PARD3B: variants seen among roughly 807,000 people sequenced by gnomAD.
PARD3B encodes partitioning defective 3 homolog B.
PARD3B carries 103 observed loss-of-function variants against 130.2 expected under a neutral mutation model. That is an observed-to-expected ratio of 0.79 (90% CI 0.67 to 0.93). The LOEUF is 0.93. PARD3B is among the 40% of genes least tolerant of loss of function. The pLI is 0.00. For synonymous variants in PARD3B, 583 were observed against 553.2 expected (o/e 1.05, Z -0.76); for missense variants, 1,609 against 1,499.2 (o/e 1.07, Z -1.21).
In PARD3B at chr2:205,146,407, T is replaced by G. The variant is rs2033361955; in HGVS notation, c.1435-12315T>G. On this transcript the variant is annotated intron_variant, in intron 10 of 22. Transcript: ENST00000406610. The surrounding 1 kb of genome is among the most constrained non-coding windows in gnomAD (Gnocchi z 4.3). ...GCTCACCCCTGTAATCCCAGCATTT[T>G]GGGAGGCCGAGGTGGGCGGATCATG... Among the ~76,000 whole-genome samples the G allele has an allele frequency of 6.6e-6, 1 of 152,094 alleles. No homozygotes were observed. The highest frequency in any genetic ancestry group is 2.4e-5 in the African/African-American group (1 of 41,434).
chr2:204,743,482 C>T lies in PARD3B; in HGVS notation c.222+57200C>T, dbSNP rs148752152. Among the ~76,000 whole-genome samples the T allele has an allele frequency of 4.7e-3, 720 of 152,198 alleles. 7 individuals are homozygous for T. Among genetic ancestry groups the T allele is most frequent in the South Asian group, 0.023 (110 of 4,816 alleles). ...AAATGACCTGTTATAAGCCTGTACA[C>T]TGTGGCATTTACTGGTAAGGTTTCT... On this transcript the variant is annotated intron_variant, in intron 2 of 22. Transcript: ENST00000406610.
At chr2:204,786,653 C>T (rs2042019812) in intron 2 of PARD3B, among the ~76,000 whole-genome samples, 1 of 151,288 alleles carries the variant, frequency 6.6e-6, no homozygotes, top group Non-Finnish European at 1.5e-5. Flanking sequence ...CCTCTGAGCT[C>T]CTTAGGTTGG....
In PARD3B at chr2:204,847,682, T is replaced by C. The variant is rs142525690; in HGVS notation, c.223-117470T>C. 5.8e-3 allele frequency among the ~76,000 whole-genome samples: 877 copies of C among 152,290 alleles called. 9 individuals carry two copies. The highest frequency in any genetic ancestry group is 0.041 in the Middle Eastern group (12 of 294). ...TAGCCTTCTAAGTCATCAGTTCAGC[T>C]GTGGTAGTACTTCAGTGCTTGTGTT... On this transcript the variant is annotated intron_variant, in intron 2 of 22. Coordinates refer to ENST00000406610, the MANE Select transcript of PARD3B (RefSeq NM_001302769.2).
chr2:205,419,668 A>C (rs2046899647), intron 19 of PARD3B, among the ~76,000 whole-genome samples: 1 of 152,176 alleles, frequency 6.6e-6, no homozygotes, highest in African/African-American at 2.4e-5. Flanking sequence ...AAACTTCATT[A>C]ATCTGCAGTC....
chr2:205,370,478 G>T (rs1008342496), intron 18 of PARD3B, among the ~76,000 whole-genome samples: 5 of 152,122 alleles, frequency 3.3e-5, no homozygotes, highest in Non-Finnish European at 7.3e-5. Context: ...ACCAGTTCAG[G>T]ATAATATGCA....
intron 6 of PARD3B, 29 bp downstream of exon 6, chr2:205,113,606 C>G (rs1420976439): frequency 6.4e-7 from 1 of 1,557,110 alleles, no homozygotes. Flanking sequence ...TCCAGAAGCT[C>G]ATGCTAATGA....
rs535654298 is a variant in PARD3B, at chr2:204,801,902, G to C, written c.222+115620G>C. Among the ~76,000 whole-genome samples the C allele has an allele frequency of 2.0e-3, 305 of 152,300 alleles. 1 individual carries two copies. The highest frequency in any genetic ancestry group is 7.0e-3 in the African/African-American group (289 of 41,558). ...TCCATCAGTACATAGTTAATTGAAAGTTTTTAGCATGAAGCAGTGTTGAAT... is the reference window on the plus strand; with the variant it reads ...TCCATCAGTACATAGTTAATTGAAACTTTTTAGCATGAAGCAGTGTTGAAT... On this transcript the variant is annotated intron_variant, in intron 2 of 22. Coordinates refer to ENST00000406610, the MANE Select transcript of PARD3B (RefSeq NM_001302769.2).
intron 15 of PARD3B, among the ~76,000 whole-genome samples, chr2:205,240,277 C>G (rs2039295013): frequency 6.6e-6 from 1 of 152,084 alleles, no homozygotes; most frequent in African/African-American, 2.4e-5. Flanking sequence ...AGGAACAACT[C>G]TTGAAAACAA....
intron 4 of PARD3B, among the ~76,000 whole-genome samples, chr2:205,080,632 G>T: frequency 6.6e-6 from 1 of 151,960 alleles, no homozygotes; most frequent in Non-Finnish European, 1.5e-5. Context: ...TGAGCATCTT[G>T]CACTGTCTTT....
intron 15 of PARD3B, among the ~76,000 whole-genome samples, chr2:205,215,678 G>T (rs2037871241): frequency 6.6e-6 from 1 of 151,928 alleles, no homozygotes; most frequent in Non-Finnish European, 1.5e-5. Flanking sequence ...ATGCTTGTTG[G>T]CCATTTAAAT....
In PARD3B at chr2:205,616,233, T is replaced by TC; in HGVS notation, c.*420_*421insC. ...CAGAGGCAGTCTCTGCCAGGCAGCA[T>TC]TACCCGCTCCGAGGTGGAGCCTCAG... On this transcript the variant is annotated 3_prime_UTR_variant, in exon 23 of 23. Transcript: ENST00000406610. 3 of 169,676 alleles carry TC rather than the reference T, an allele frequency of 1.8e-5. No homozygotes were observed. The highest frequency in any genetic ancestry group is 1.8e-4 in the South Asian group (1 of 5,552). The allele number at this position is 169,676 out of a possible 1,614,324, so 10.5% of individuals were successfully genotyped here.
rs555644404 is a variant in PARD3B at position 204,967,109 on chromosome 2, T to G, written c.394+1786T>G. On this transcript the variant is annotated intron_variant, in intron 3 of 22. Coordinates refer to ENST00000406610, the MANE Select transcript of PARD3B (RefSeq NM_001302769.2). The surrounding 1 kb of genome is among the most constrained non-coding windows in gnomAD (Gnocchi z 4.4). ...AATATAACTGTCTTGGGGTTTACTT[T>G]GAGAATATATGCCAAAACCCTGAAA... Among the ~76,000 whole-genome samples the G allele has an allele frequency of 2.0e-5, 3 of 152,332 alleles. No homozygotes were observed. In the East Asian group the frequency reaches 5.8e-4, roughly 29 times the overall value.
chr2:205,331,773 A>T, intron 18 of PARD3B, among the ~76,000 whole-genome samples: 1 of 79,126 alleles, frequency 1.3e-5, no homozygotes, highest in South Asian at 5.8e-4. Flanking sequence ...ACAGAGTGAG[A>T]CTCCGTCTCA....
chr2:205,035,679 C>G (rs1697767451), intron 3 of PARD3B, among the ~76,000 whole-genome samples: 1 of 150,984 alleles, frequency 6.6e-6, no homozygotes. Flanking sequence ...ACCAAGATGA[C>G]TGGCAATAGA....
chr2:205,029,478 C>A (rs1435156402), intron 3 of PARD3B, among the ~76,000 whole-genome samples: 1 of 152,142 alleles, frequency 6.6e-6, no homozygotes, highest in Non-Finnish European at 1.5e-5. Context: ...TAGCTTCCAG[C>A]TTAGTGCTTT....
chr2:204,676,999 G>A (rs550252328), intron 1 of PARD3B, among the ~76,000 whole-genome samples: 5 of 152,112 alleles, frequency 3.3e-5, no homozygotes, highest in East Asian at 1.9e-4. Flanking sequence ...TCTTTCTTAC[G>A]CTGAGTTTCT....
intron 5 of PARD3B, among the ~76,000 whole-genome samples, chr2:205,106,621 G>C (rs370241550): frequency 3.3e-5 from 5 of 151,926 alleles, no homozygotes; most frequent in African/African-American, 1.2e-4. Flanking sequence ...TTAAGTGACA[G>C]CTAGAGACTT....
intron 2 of PARD3B, among the ~76,000 whole-genome samples, chr2:204,881,606 T>C (rs1346337935): frequency 6.6e-6 from 1 of 152,204 alleles, no homozygotes; most frequent in Non-Finnish European, 1.5e-5. Flanking sequence ...TTGCTGAACT[T>C]GGTAGATGGT....
intron 21 of PARD3B, among the ~76,000 whole-genome samples, chr2:205,510,393 A>T (rs1220860542): frequency 2.0e-5 from 3 of 152,306 alleles, no homozygotes; most frequent in South Asian, 2.1e-4. Flanking sequence ...CTTGGACATT[A>T]TATAGCACAC....
Sources: allele counts gnomAD v4.1 joint callset (sites outside exome capture counted in the v4.1 genomes callset), GRCh38; gene constraint gnomAD v4.1.1; non-coding constraint Gnocchi (gnomAD v3.1); transcripts MANE v1.5; gene names NCBI Gene and HGNC (gene_info 2026-07-23, HGNC 2026-07-21).